SEZ6L: variants seen among roughly 807,000 people sequenced by gnomAD.
SEZ6L encodes the protein seizure 6-like protein.
A neutral mutation model predicts 106.2 loss-of-function variants in SEZ6L; 37 were observed. The observed-to-expected ratio is 0.35, with a 90% CI of 0.27 to 0.46. SEZ6L has a LOEUF of 0.46. SEZ6L is among the 20% of genes least tolerant of loss of function. The pLI is 1.00. For synonymous variants in SEZ6L, 541 were observed against 570.4 expected, an observed-to-expected ratio of 0.95 and a Z score of 0.73; for missense variants, 1,172 against 1,332.8, an observed-to-expected ratio of 0.88 and a Z score of 1.88.
intron 1 of SEZ6L, among the ~76,000 whole-genome samples, chr22:26,264,513 T>A (rs1229186007): frequency 6.6e-6 from 1 of 152,236 alleles, no homozygotes; most frequent in East Asian, 1.9e-4. Flanking sequence ...TTTGACCTTT[T>A]TAAAGTTTAC....
At chr22:26,342,742 G>A (rs533774627) in intron 10 of SEZ6L, among the ~76,000 whole-genome samples, 6 of 152,088 alleles carry the variant, frequency 3.9e-5, no homozygotes, top group African/African-American at 1.2e-4. Context: ...AACTAGGTTG[G>A]TGCAGAAGTA....
rs535078140 is a variant in SEZ6L, at chr22:26,245,060, C to T, written c.95-47346C>T. ...GACCAGAGGCAAGGAAGCCAGCTCG[C>T]ATCAAAAGATAACCCTTAAGTACAT... On this transcript the variant is annotated intron_variant, in intron 1 of 16. Transcript: ENST00000248933. 2.0e-5 allele frequency among the ~76,000 whole-genome samples: 3 copies of T among 152,314 alleles called. No individual in the cohort carries two copies. In the South Asian group the frequency reaches 6.2e-4, roughly 32 times the overall value.
At chr22:26,300,564 T>A (rs2145901311) in intron 5 of SEZ6L, among the ~76,000 whole-genome samples, 1 of 152,370 alleles carries the variant, frequency 6.6e-6, no homozygotes, top group South Asian at 2.1e-4. Context: ...TTGTTGGACA[T>A]TTGGCTTGGT....
chr22:26,208,207 G>T lies in SEZ6L; in HGVS notation c.94+38444G>T, dbSNP rs112397346. Among the ~76,000 whole-genome samples, 1,423 of 152,124 alleles carry T rather than the reference G, an allele frequency of 9.4e-3. 27 individuals are homozygous for T. The highest frequency in any genetic ancestry group is 0.031 in the African/African-American group (1,284 of 41,522). ...TGGGATTACAGGCGTGAGCCACTGC[G>T]CCCGGCCATATTCATGTGTATTTTA... On this transcript the variant is annotated intron_variant, in intron 1 of 16. Coordinates refer to ENST00000248933, the MANE Select transcript of SEZ6L (RefSeq NM_021115.5).
rs1213449935 is a variant in SEZ6L, at chr22:26,338,867, C to CTTTTTCTTTTTT, written c.2016-1564_2016-1563insCTTTTTTTTTTT. ...CACCACGCCCGGACTTTTTTTTTTT[C>CTTTTTCTTTTTT]TTTTTTTTTTTTTTTTTGTAGAGAC... On this transcript the variant is annotated intron_variant, in intron 9 of 16. Transcript: ENST00000248933. Among the ~76,000 whole-genome samples, 3 of 87,468 alleles carry CTTTTTCTTTTTT rather than the reference C, an allele frequency of 3.4e-5. No homozygotes were observed. The South Asian group carries it at 1.3e-3, about 37-fold the overall frequency. 57.4% of individuals were successfully genotyped at this position (87,468 alleles called of 152,430 possible).
chr22:26,357,446 A>G (rs1166382073), intron 12 of SEZ6L, among the ~76,000 whole-genome samples: 1 of 152,070 alleles, frequency 6.6e-6, no homozygotes, highest in East Asian at 1.9e-4. Flanking sequence ...AGGAAATCAC[A>G]ATGAATCGTC....
chr22:26,365,604 C>T (rs2083781412), intron 13 of SEZ6L, 38 bp downstream of exon 13: 2 of 1,560,740 alleles, frequency 1.3e-6, no homozygotes, highest in East Asian at 4.5e-5. Context: ...TCCACGGGGC[C>T]TGGAGATGTC....
At chr22:26,291,282 C>A (rs1483092471) in intron 1 of SEZ6L, among the ~76,000 whole-genome samples, 1 of 152,152 alleles carries the variant, frequency 6.6e-6, no homozygotes, top group East Asian at 1.9e-4. Flanking sequence ...AAAATCATGT[C>A]CTTTGCAGGG....
chr22:26,303,396 G>T (rs985670452), intron 5 of SEZ6L, among the ~76,000 whole-genome samples: 8 of 152,182 alleles, frequency 5.3e-5, no homozygotes, highest in African/African-American at 1.9e-4. Flanking sequence ...TGATATTAGA[G>T]ATACAAAAAG....
intron 1 of SEZ6L, among the ~76,000 whole-genome samples, chr22:26,231,431 G>A (rs1372805089): frequency 1.3e-5 from 2 of 152,176 alleles, no homozygotes; most frequent in East Asian, 1.9e-4. Context: ...TGCCTCCAGT[G>A]TCTAGTCCTG....
chr22:26,311,644 G>A (rs938256233), intron 7 of SEZ6L, 124 bp from the exon 8 acceptor site: 24 of 851,464 alleles, frequency 2.8e-5, no homozygotes, highest in South Asian at 2.7e-4. Context: ...ACCAGGACAC[G>A]TAATTTGGTA....
chr22:26,258,169 C>T (rs1173861109), intron 1 of SEZ6L, among the ~76,000 whole-genome samples: 1 of 152,144 alleles, frequency 6.6e-6, no homozygotes, highest in African/African-American at 2.4e-5. Flanking sequence ...ACAGCCTCTA[C>T]CTTTGAAATA....
chr22:26,376,557 C>A (rs554255295), intron 15 of SEZ6L, among the ~76,000 whole-genome samples: 2 of 151,918 alleles, frequency 1.3e-5, no homozygotes, highest in African/African-American at 4.8e-5. Flanking sequence ...GCCTGGCCAA[C>A]GTGGTGGAAC....
chr22:26,345,389 C>A (rs1476348340), intron 10 of SEZ6L, among the ~76,000 whole-genome samples: 1 of 152,212 alleles, frequency 6.6e-6, no homozygotes, highest in East Asian at 1.9e-4. Flanking sequence ...CGGGAGCGTG[C>A]AGCCATGGTG....
intron 1 of SEZ6L, among the ~76,000 whole-genome samples, chr22:26,207,910 ATT>A (rs134772): frequency 0.43 from 59,558 of 138,252 alleles, 12,468 homozygotes; most frequent in Middle Eastern, 0.53. Context: ...ATTCATGTGT[ATT>A]TTTTTTTTTT....
intron 1 of SEZ6L, among the ~76,000 whole-genome samples, chr22:26,273,323 C>G (rs749038930): frequency 2.6e-5 from 4 of 152,268 alleles, no homozygotes; most frequent in African/African-American, 4.8e-5. Context: ...CTGAGGCGCT[C>G]TGTGTAGCCC....
chr22:26,306,736 C>G (rs978053222), intron 6 of SEZ6L, among the ~76,000 whole-genome samples: 1 of 152,080 alleles, frequency 6.6e-6, no homozygotes, highest in Non-Finnish European at 1.5e-5. Flanking sequence ...GGATCTTATT[C>G]TAGAAATTAT....
In SEZ6L at chr22:26,316,377, C is replaced by A. The variant is rs115589074; in HGVS notation, c.2015+2475C>A. Among the ~76,000 whole-genome samples, 291 of 152,234 alleles carry A rather than the reference C, an allele frequency of 1.9e-3. 1 individual carries two copies. Among genetic ancestry groups the A allele is most frequent in the African/African-American group, 6.6e-3 (276 of 41,540 alleles). ...GTGAGAAAAACAGGGCAGTCCTCACCCTGCATGCCTAGCAGGTGAGGCAGG... is the reference window on the plus strand; with the variant it reads ...GTGAGAAAAACAGGGCAGTCCTCACACTGCATGCCTAGCAGGTGAGGCAGG... On this transcript the variant is annotated intron_variant, in intron 9 of 16. Transcript: ENST00000248933.
At position 26,243,396 on chromosome 22, in the gene SEZ6L, T is replaced by C. The variant is rs190624546; in HGVS notation, c.95-49010T>C. Reference sequence around the variant, plus strand: ...GAAAAGCCTCTGTGAGAAGACAGCATTGAGCAGAGAGAGCTGAGTGAATGA... The same window carrying C: ...GAAAAGCCTCTGTGAGAAGACAGCACTGAGCAGAGAGAGCTGAGTGAATGA... On this transcript the variant is annotated intron_variant, in intron 1 of 16. Transcript: ENST00000248933. Among the ~76,000 whole-genome samples the C allele has an allele frequency of 3.9e-5, 6 of 152,300 alleles. No homozygotes were observed. The East Asian group carries it at 1.2e-3, about 29-fold the overall frequency.
Sources: gnomAD v4.1 joint callset for allele counts (sites outside exome capture counted in the v4.1 genomes callset) on GRCh38, gnomAD v4.1.1 for gene constraint, MANE v1.5 for transcripts, NCBI Gene and HGNC (gene_info 2026-07-23, HGNC 2026-07-21) for gene names.